NBEAL1: variants seen among roughly 807,000 people sequenced by gnomAD.
NBEAL1 encodes neurobeachin like 1, also known as neurobeachin-like protein 1.
Under a neutral mutation model 351.3 loss-of-function variants are expected in NBEAL1, and 273 were observed. The ratio of observed to expected loss-of-function variants is 0.78; its 90% CI spans 0.70 to 0.86. NBEAL1 has a LOEUF of 0.86. Among genes scored for constraint, NBEAL1 ranks in the 40% least tolerant of loss-of-function variants. The pLI, the probability that NBEAL1 is intolerant of heterozygous loss-of-function variation, is 0.00. For synonymous variants in NBEAL1, 1,050 were observed against 1,086.4 expected (o/e 0.97, Z 0.66); for missense variants, 2,961 against 3,201.3 (o/e 0.92, Z 1.81).
In NBEAL1 at chr2:203,049,872, A is replaced by G. The variant is rs1158154554; in HGVS notation, c.202A>G (p.Arg68Gly). ...LLPDNILQVL[R>G]IQLLQCVQKM... The stretch of plus-strand genomic sequence containing the variant: ...TCCTGATAATATTCTGCAGGTTCTG[A>G]GGATCCAGCTTCTACAGTGTGTTCA... Residue 68 changes from arginine (R) to glycine (G), a missense_variant, in exon 4 of 56, where the codon AGG becomes GGG. Coordinates refer to ENST00000683969, the MANE Select transcript of NBEAL1 (RefSeq NM_001378026.1). The G allele has an allele frequency of 6.4e-7, 1 of 1,556,634 alleles. No individual in the cohort carries two copies. Among genetic ancestry groups the G allele is most frequent in the Non-Finnish European group, 8.7e-7 (1 of 1,148,274 alleles).
intron 24 of NBEAL1, among the ~76,000 whole-genome samples, chr2:203,128,236 A>G (rs2062989728): frequency 1.5e-5 from 2 of 135,172 alleles, no homozygotes; most frequent in Admixed American, 1.5e-4. Flanking sequence ...ACAGGTGTGC[A>G]CCCCCACACT....
chr2:203,151,554 C>T lies in NBEAL1; in HGVS notation c.5552C>T (p.Thr1851Ile), dbSNP rs747727342. The T allele has an allele frequency of 1.9e-6, 3 of 1,609,532 alleles. No homozygotes were observed. In the East Asian group the frequency reaches 6.7e-5, roughly 36 times the overall value. The change falls in exon 35 of 56, where the codon ACC becomes ATC. Residue 1851 changes from threonine (T) to isoleucine (I), a missense_variant. Transcript: ENST00000683969. ...CTGGTACCGAATTATAATTTCAAAA[C>T]CCATGAGGAAGCTAGTGCCTTGAGA... ...LKLVPNYNFK[T>I]HEEASALRDN...
rs374848222 is a variant in NBEAL1 at position 203,057,392 on chromosome 2, G to T, written c.454G>T (p.Ala152Ser). 2.6e-6 allele frequency: 4 copies of T among 1,552,130 alleles called. No homozygotes were observed. Among genetic ancestry groups the T allele is most frequent in the African/African-American group, 1.4e-5 (1 of 73,390 alleles). Residue 152 changes from alanine to serine, a missense_variant, in exon 6 of 56, where the codon GCA becomes TCA. Ala to Ser is a moderately conservative substitution (Grantham distance 99). Coordinates refer to ENST00000683969, the MANE Select transcript of NBEAL1 (RefSeq NM_001378026.1). Reference sequence around the variant, plus strand: ...ATGTATTGAAGAATTTGTGATCCACGCATTGGCATTTTGTGAAAGCTTATA... The same window carrying T: ...ATGTATTGAAGAATTTGTGATCCACTCATTGGCATTTTGTGAAAGCTTATA... ...QTCIEEFVIH[A>S]LAFCESLYDP... is the part of the protein sequence containing the mutation.
At position 203,179,074 on chromosome 2, in the gene NBEAL1, T is replaced by C. The variant is rs563031759; in HGVS notation, c.6465-1308T>C. Among the ~76,000 whole-genome samples, 31 of 152,304 alleles carry C rather than the reference T, an allele frequency of 2.0e-4. 1 individual carries two copies. The highest frequency in any genetic ancestry group is 6.7e-4 in the African/African-American group (28 of 41,570). ...CTGCTTCAAACCAAGATTAAATAGG[T>C]GTAAAACACAAGAGACAAATTGGTC... On this transcript the variant is annotated intron_variant, in intron 42 of 55. Coordinates refer to ENST00000683969, the MANE Select transcript of NBEAL1 (RefSeq NM_001378026.1).
intron 10 of NBEAL1, among the ~76,000 whole-genome samples, chr2:203,093,714 C>T (rs2106193837): frequency 6.6e-6 from 1 of 152,226 alleles, no homozygotes; most frequent in African/African-American, 2.4e-5. Context: ...ATTAGCTGGG[C>T]ATGGTGGCAC....
intron 36 of NBEAL1, among the ~76,000 whole-genome samples, chr2:203,162,592 A>G (rs149610272): frequency 2.0e-3 from 311 of 152,058 alleles, no homozygotes; most frequent in African/African-American, 7.3e-3. Flanking sequence ...AAAATACAAA[A>G]AATTAACTTG....
intron 38 of NBEAL1, among the ~76,000 whole-genome samples, chr2:203,168,551 C>G (rs1240191498): frequency 1.3e-5 from 2 of 152,082 alleles, no homozygotes; most frequent in African/African-American, 4.8e-5. Flanking sequence ...CTATTGCACT[C>G]CAGCCTGGGC....
At position 203,222,542 on chromosome 2, in the gene NBEAL1, C is replaced by T. The variant is rs984693738; in HGVS notation, c.*5188C>T. The stretch of plus-strand genomic sequence containing the variant: ...TTTGTTTTGCCTGCCACAAAAACAA[C>T]AAAATCTCCTTTCAATTGAGTTATT... On this transcript the variant is annotated 3_prime_UTR_variant, in exon 56 of 56. Transcript: ENST00000683969. Among the ~76,000 whole-genome samples, 1 of 152,108 alleles carries T rather than the reference C, an allele frequency of 6.6e-6. No homozygotes were observed. Among genetic ancestry groups the T allele is most frequent in the African/African-American group, 2.4e-5 (1 of 41,438 alleles).
chr2:203,057,478 C>T, intron 6 of NBEAL1, 25 bp downstream of exon 6: 9 of 1,520,396 alleles, frequency 5.9e-6, no homozygotes. Context: ...TAATAACGTT[C>T]ATTTAAAACC....
chr2:203,149,688 T>G (rs550870915), intron 34 of NBEAL1, among the ~76,000 whole-genome samples: 1 of 152,244 alleles, frequency 6.6e-6, no homozygotes, highest in East Asian at 1.9e-4. Flanking sequence ...TTTTATCACC[T>G]AAAAAGGAAA....
At chr2:203,049,571 A>G (rs1004454675) in intron 3 of NBEAL1, among the ~76,000 whole-genome samples, 1 of 152,236 alleles carries the variant, frequency 6.6e-6, no homozygotes. Context: ...CTCTTCTGAA[A>G]TAAGAAAAAC....
intron 7 of NBEAL1, among the ~76,000 whole-genome samples, chr2:203,076,482 C>CA (rs869311366): frequency 0.11 from 519 of 4,626 alleles, 14 homozygotes; most frequent in African/African-American, 0.12. Flanking sequence ...GTCTCAAAAA[C>CA]AAACAAACAA....
At chr2:203,094,579 G>A (rs947738817) in intron 10 of NBEAL1, among the ~76,000 whole-genome samples, 13 of 152,124 alleles carry the variant, frequency 8.5e-5, no homozygotes, top group Admixed American at 5.9e-4. Context: ...CTTTCTTTTT[G>A]TATGAGATTC....
At chr2:203,186,178 C>A (rs2064892490) in intron 44 of NBEAL1, among the ~76,000 whole-genome samples, 1 of 152,206 alleles carries the variant, frequency 6.6e-6, no homozygotes, top group African/African-American at 2.4e-5. Context: ...TCTACTACTA[C>A]TCTACAAATC....
At chr2:203,190,492 C>T in intron 46 of NBEAL1, 103 bp downstream of exon 46, 2 of 831,362 alleles carry the variant, frequency 2.4e-6, no homozygotes, top group Admixed American at 2.4e-5. Context: ...GCCAGTTACT[C>T]TCAGTCACAG....
chr2:203,141,056 CTT>C (rs916450218), intron 31 of NBEAL1, among the ~76,000 whole-genome samples: 2 of 147,842 alleles, frequency 1.4e-5, no homozygotes, highest in Admixed American at 6.8e-5. Flanking sequence ...TTATAGTATT[CTT>C]TTTTTTTTCA....
In NBEAL1 at chr2:203,063,298, A is replaced by T. The variant is rs2061528823; in HGVS notation, c.516-5095A>T. Among the ~76,000 whole-genome samples the T allele has an allele frequency of 1.3e-5, 2 of 151,904 alleles. 1 individual carries two copies. The highest frequency in any genetic ancestry group is 4.1e-4 in the South Asian group (2 of 4,820). On this transcript the variant is annotated intron_variant, in intron 6 of 55. Coordinates refer to ENST00000683969, the MANE Select transcript of NBEAL1 (RefSeq NM_001378026.1). ...AAGACCCCATCTAGAAAAAAAAAAA[A>T]TTGGCCAGGTGTGGTGATGTGTGCC...
intron 34 of NBEAL1, 68 bp downstream of exon 34, chr2:203,149,216 A>G (rs2063587283): frequency 8.5e-6 from 10 of 1,177,940 alleles, no homozygotes; most frequent in Non-Finnish European, 1.2e-5. Context: ...TTTTTGAGCA[A>G]ATGCCCCCTT....
chr2:203,048,902 C>A (rs1195378499), intron 3 of NBEAL1, among the ~76,000 whole-genome samples: 1 of 149,630 alleles, frequency 6.7e-6, no homozygotes, highest in East Asian at 1.9e-4. Context: ...TTTTTTAATA[C>A]CCTTTTATCT....
Sources: gnomAD v4.1 joint callset for allele counts (sites outside exome capture counted in the v4.1 genomes callset) on GRCh38, gnomAD v4.1.1 for gene constraint, MANE v1.5 for transcripts, NCBI Gene and HGNC (gene_info 2026-07-23, HGNC 2026-07-21) for gene names.